Variants in STARD13 observed in about 807,000 individuals in gnomAD.
STARD13 encodes StAR related lipid transfer domain containing 13.
In STARD13, 62 loss-of-function variants were observed where a neutral mutation model predicts 106.4. The ratio of observed to expected loss-of-function variants is 0.58; its 90% confidence interval spans 0.48 to 0.72. The LOEUF is 0.72. Ranked by LOEUF, STARD13 falls within the 30% of genes least tolerant of loss-of-function variation. The probability of loss-of-function intolerance (pLI) is 0.00; values close to 1 mark genes in which losing one functional copy is unlikely to be tolerated. For synonymous variants in STARD13, 565 were observed against 553.0 expected, an observed-to-expected ratio of 1.02 and a Z score of -0.31; for missense variants, 1,387 against 1,424.0, an observed-to-expected ratio of 0.97 and a Z score of 0.42.
chr13:33,452,155 A>G, the STARD13 span, among the ~76,000 whole-genome samples: 1 of 152,136 alleles, frequency 6.6e-6, no homozygotes, highest in Non-Finnish European at 1.5e-5. Context: ...ATACAAGGGA[A>G]CAGGATTTCT....
intron 1 of STARD13, among the ~76,000 whole-genome samples, chr13:33,325,989 A>C (rs1258665252): frequency 4.8e-5 from 7 of 145,312 alleles, no homozygotes; most frequent in African/African-American, 1.4e-4. Context: ...CGTTTAAAAA[A>C]AAAAAAAAAA....
At chr13:33,136,731 C>T (rs914349753) in intron 4 of STARD13, among the ~76,000 whole-genome samples, 11 of 152,222 alleles carry the variant, frequency 7.2e-5, no homozygotes, top group African/African-American at 2.7e-4. Flanking sequence ...CCCCTCTCCA[C>T]TGAGAGCTGC....
chr13:33,466,284 G>A, the STARD13 span, among the ~76,000 whole-genome samples: 4 of 152,098 alleles, frequency 2.6e-5, no homozygotes, highest in South Asian at 2.1e-4. Flanking sequence ...ATGTTATGAC[G>A]GGACTCTAAC....
chr13:33,603,581 A>G, the STARD13 span, among the ~76,000 whole-genome samples: 1 of 152,206 alleles, frequency 6.6e-6, no homozygotes, highest in African/African-American at 2.4e-5. Context: ...AGAATTCATA[A>G]GTATGGGCCT....
chr13:33,614,296 T>TGTGTGTGTGTG, the STARD13 span, among the ~76,000 whole-genome samples: 8 of 151,800 alleles, frequency 5.3e-5, no homozygotes, highest in South Asian at 2.1e-4. Context: ...TGTGTGTGTG[T>TGTGTGTGTGTG]TTCTTGGAAA....
chr13:33,290,382 A>G (rs1409911166), upstream of STARD13, among the ~76,000 whole-genome samples: 1 of 152,232 alleles, frequency 6.6e-6, no homozygotes, highest in African/African-American at 2.4e-5. Flanking sequence ...GAAGGCCAGC[A>G]TTTGAGGATT....
the STARD13 span, among the ~76,000 whole-genome samples, chr13:33,369,516 T>C: frequency 6.6e-6 from 1 of 152,224 alleles, no homozygotes; most frequent in African/African-American, 2.4e-5. Flanking sequence ...TCCTTATTTG[T>C]CTGTCCTGAG....
chr13:33,534,681 C>T, the STARD13 span, among the ~76,000 whole-genome samples: 4 of 151,932 alleles, frequency 2.6e-5, no homozygotes, highest in African/African-American at 9.7e-5. Flanking sequence ...ATTTCAGTGG[C>T]CTTTGGATAT....
the STARD13 span, among the ~76,000 whole-genome samples, chr13:33,569,295 C>T: frequency 6.8e-6 from 1 of 147,660 alleles, no homozygotes. Context: ...TTGAATACTT[C>T]GAAGAGCAGT....
intron 12 of STARD13, among the ~76,000 whole-genome samples, chr13:33,109,615 T>C (rs1874232051): frequency 6.6e-6 from 1 of 152,094 alleles, no homozygotes; most frequent in South Asian, 2.1e-4. Flanking sequence ...TGAATAATAT[T>C]TATGGCCTAA....
rs1885497415 is a variant in STARD13, at chr13:33,183,968, C to T, written c.170-16346G>A. Among the ~76,000 whole-genome samples, 3 of 152,294 alleles carry T rather than the reference C, an allele frequency of 2.0e-5. No homozygotes were observed. In the South Asian group the frequency reaches 6.2e-4, roughly 32 times the overall value. Reference sequence around the variant, plus strand: ...CCTCCTTTCCCTTGAAATGTAACCACATTCAGCTATGACTACGCTGGTTCT... The same window carrying T: ...CCTCCTTTCCCTTGAAATGTAACCATATTCAGCTATGACTACGCTGGTTCT... On this transcript the variant is annotated intron_variant, in intron 1 of 13. Transcript: ENST00000336934.
upstream of STARD13, among the ~76,000 whole-genome samples, chr13:33,290,204 C>T (rs1892240425): frequency 6.6e-6 from 1 of 152,158 alleles, no homozygotes; most frequent in Non-Finnish European, 1.5e-5. Flanking sequence ...CACATTCCAG[C>T]CTCCTCATCA....
chr13:33,163,132 A>C (rs751810755), intron 3 of STARD13, among the ~76,000 whole-genome samples: 2 of 152,158 alleles, frequency 1.3e-5, no homozygotes, highest in African/African-American at 4.8e-5. Context: ...AAACCATCAG[A>C]TCTCATGAGA....
chr13:33,192,403 C>T (rs1886315392), intron 1 of STARD13, among the ~76,000 whole-genome samples: 1 of 152,044 alleles, frequency 6.6e-6, no homozygotes, highest in Admixed American at 6.5e-5. Context: ...GAGTATTTGC[C>T]CTGATATAAG....
At chr13:33,518,026 A>T in the STARD13 span, among the ~76,000 whole-genome samples, 1 of 151,478 alleles carries the variant, frequency 6.6e-6, no homozygotes, top group Non-Finnish European at 1.5e-5. Flanking sequence ...AACAACAACA[A>T]CAACAACAAC....
intron 1 of STARD13, among the ~76,000 whole-genome samples, chr13:33,235,614 A>T (rs942811676): frequency 2.6e-5 from 4 of 152,264 alleles, no homozygotes; most frequent in Non-Finnish European, 4.4e-5. Flanking sequence ...GCCTAGAAAC[A>T]GAGTTACCAG....
the STARD13 span, among the ~76,000 whole-genome samples, chr13:33,676,058 T>TCCTA: frequency 6.6e-6 from 1 of 152,222 alleles, no homozygotes; most frequent in African/African-American, 2.4e-5. Flanking sequence ...AATCCTTGGC[T>TCCTA]CCTAGTCTGT....
At chr13:33,299,532 C>G (rs4245366) in intron 1 of STARD13, among the ~76,000 whole-genome samples, 1,555 of 152,196 alleles carry the variant, frequency 0.01, 23 homozygotes, top group African/African-American at 0.036. Flanking sequence ...GTAAAAAAGC[C>G]AAACATAATG....
At chr13:33,194,412 T>C (rs1031452053) in intron 1 of STARD13, among the ~76,000 whole-genome samples, 3 of 152,190 alleles carry the variant, frequency 2.0e-5, no homozygotes, top group Admixed American at 1.3e-4. Context: ...TAAAAAAATA[T>C]TTTGACTGAA....
Sources: gnomAD v4.1 joint callset for allele counts (sites outside exome capture counted in the v4.1 genomes callset) on GRCh38, gnomAD v4.1.1 for gene constraint, MANE v1.5 for transcripts, NCBI Gene and HGNC (gene_info 2026-07-23, HGNC 2026-07-21) for gene names.